Variants in ADCY2 observed in about 807,000 individuals in gnomAD.
ADCY2 encodes adenylate cyclase 2.
Under a neutral mutation model 125.2 loss-of-function variants are expected in ADCY2, and 31 were observed. The ratio of observed to expected loss-of-function variants is 0.25; its 90% CI spans 0.19 to 0.33. The LOEUF is 0.33. ADCY2 is among the 10% of genes least tolerant of loss of function. The probability of loss-of-function intolerance (pLI) is 1.00; values close to 1 mark genes in which losing one functional copy is unlikely to be tolerated. For synonymous variants in ADCY2, 512 were observed against 548.4 expected (o/e 0.93, Z 0.93); for missense variants, 904 against 1,418.2 (o/e 0.64, Z 5.82).
chr5:7,442,366 G>A (rs2126401584), intron 2 of ADCY2, among the ~76,000 whole-genome samples: 1 of 152,240 alleles, frequency 6.6e-6, no homozygotes, highest in East Asian at 1.9e-4. Context: ...CTTTTAGCTT[G>A]TGTCTGGGTC....
At chr5:7,635,979 C>T (rs1738487868) in intron 4 of ADCY2, among the ~76,000 whole-genome samples, 1 of 152,158 alleles carries the variant, frequency 6.6e-6, no homozygotes, top group Non-Finnish European at 1.5e-5. Flanking sequence ...CAGCCTGATA[C>T]CTAAGTGTTT....
chr5:7,810,998 C>T (rs992689511), intron 22 of ADCY2, among the ~76,000 whole-genome samples: 1 of 152,214 alleles, frequency 6.6e-6, no homozygotes, highest in African/African-American at 2.4e-5. Flanking sequence ...AACTTTCATT[C>T]AGACCCATGC....
chr5:7,611,763 A>G (rs1387317851), intron 3 of ADCY2, among the ~76,000 whole-genome samples: 2 of 152,160 alleles, frequency 1.3e-5, no homozygotes, highest in Non-Finnish European at 2.9e-5. Context: ...GAAGCCCACC[A>G]TATGGAAAAC....
intron 14 of ADCY2, among the ~76,000 whole-genome samples, chr5:7,727,885 T>C (rs1741978674): frequency 2.0e-5 from 3 of 152,176 alleles, no homozygotes; most frequent in South Asian, 4.1e-4. Flanking sequence ...CGAATCGCTT[T>C]ATGATCCCTA....
At chr5:7,546,194 CAG>C (rs764728149) in intron 3 of ADCY2, among the ~76,000 whole-genome samples, 5 of 152,190 alleles carry the variant, frequency 3.3e-5, no homozygotes, top group East Asian at 1.9e-4. Context: ...CTTTACAAGA[CAG>C]AACAGAAATC....
At chr5:7,561,643 A>G (rs1351356354) in intron 3 of ADCY2, among the ~76,000 whole-genome samples, 1 of 151,754 alleles carries the variant, frequency 6.6e-6, no homozygotes. Context: ...CCGAATGCAC[A>G]TATTTGCAAG....
intron 2 of ADCY2, among the ~76,000 whole-genome samples, chr5:7,439,074 A>G (rs1740911784): frequency 6.6e-6 from 1 of 152,244 alleles, no homozygotes; most frequent in African/African-American, 2.4e-5. Flanking sequence ...GTGACCACAG[A>G]GGGAAAGCAG....
At chr5:7,702,037 C>G (rs891664521) in intron 7 of ADCY2, among the ~76,000 whole-genome samples, 1 of 152,076 alleles carries the variant, frequency 6.6e-6, no homozygotes, top group Non-Finnish European at 1.5e-5. Flanking sequence ...ACTTGCGGAA[C>G]AAGGGATTCC....
intron 1 of ADCY2, among the ~76,000 whole-genome samples, chr5:7,411,500 G>A (rs866253941): frequency 9.8e-5 from 15 of 152,310 alleles, no homozygotes; most frequent in Middle Eastern, 3.4e-3. Context: ...TTGACCCTAA[G>A]AGTTTGTGCT....
In ADCY2 at chr5:7,695,868, G is replaced by A. The variant is rs184161358; in HGVS notation, c.981+5G>A. 2.9e-3 allele frequency: 4,595 copies of A among 1,585,726 alleles called. 28 individuals carry two copies. Among genetic ancestry groups the A allele is most frequent in the Non-Finnish European group, 2.0e-3 (2,269 of 1,158,426 alleles). ...AAGTTTGATCAAATTGCAAAGGTGA[G>A]TATTATGGATTCTTTTCTTCTCTGA... On this transcript the variant is annotated splice_donor_5th_base_variant and intron_variant, in intron 6 of 24. Coordinates refer to ENST00000338316, the MANE Select transcript of ADCY2 (RefSeq NM_020546.3).
chr5:7,564,699 C>T (rs144721026), intron 3 of ADCY2, among the ~76,000 whole-genome samples: 3 of 152,150 alleles, frequency 2.0e-5, no homozygotes, highest in Non-Finnish European at 4.4e-5. Flanking sequence ...ATCCTGCCAC[C>T]CTGCCTGCTA....
At chr5:7,553,907 A>G (rs1045235180) in intron 3 of ADCY2, among the ~76,000 whole-genome samples, 10 of 152,180 alleles carry the variant, frequency 6.6e-5, no homozygotes. Context: ...TCAATATGGA[A>G]AGGAAAATGT....
At chr5:7,555,475 T>G (rs1561091414) in intron 3 of ADCY2, among the ~76,000 whole-genome samples, 9 of 152,212 alleles carry the variant, frequency 5.9e-5, no homozygotes, top group Admixed American at 5.2e-4. Flanking sequence ...ATGGTATAAT[T>G]TCCGTTGCTT....
At chr5:7,507,442 A>G (rs1039821603) in intron 2 of ADCY2, among the ~76,000 whole-genome samples, 15 of 92,426 alleles carry the variant, frequency 1.6e-4, no homozygotes, top group Non-Finnish European at 2.4e-4. Context: ...CTCCGTCTCA[A>G]AAAAAAAAAA....
chr5:7,592,982 G>A (rs1278188469), intron 3 of ADCY2, among the ~76,000 whole-genome samples: 3 of 152,178 alleles, frequency 2.0e-5, no homozygotes, highest in African/African-American at 7.2e-5. Context: ...AGAATGCATA[G>A]CTTGAGGTTT....
intron 5 of ADCY2, among the ~76,000 whole-genome samples, chr5:7,693,230 T>C (rs1258222174): frequency 1.3e-5 from 2 of 152,034 alleles, no homozygotes; most frequent in Admixed American, 6.6e-5. Context: ...GTTCCAAGGA[T>C]ATAGTTCTAA....
chr5:7,749,002 G>A (rs1379112119), intron 15 of ADCY2, among the ~76,000 whole-genome samples: 1 of 152,180 alleles, frequency 6.6e-6, no homozygotes, highest in Non-Finnish European at 1.5e-5. Flanking sequence ...GTGCCAGGCT[G>A]TGTGTGGGGT....
chr5:7,535,741 C>A (rs910754130), intron 3 of ADCY2, among the ~76,000 whole-genome samples: 2 of 152,078 alleles, frequency 1.3e-5, no homozygotes, highest in African/African-American at 4.8e-5. Context: ...AATAAGAAAT[C>A]GGATATGCAA....
At chr5:7,811,135 G>T (rs375418286) in intron 22 of ADCY2, among the ~76,000 whole-genome samples, 167 of 152,270 alleles carry the variant, frequency 1.1e-3, no homozygotes, top group African/African-American at 3.9e-3. Context: ...AGACAGGGAG[G>T]GGAGGGCAGG....
Sources: gnomAD v4.1 joint callset for allele counts (sites outside exome capture counted in the v4.1 genomes callset) on GRCh38, gnomAD v4.1.1 for gene constraint, MANE v1.5 for transcripts, NCBI Gene and HGNC (gene_info 2026-07-23, HGNC 2026-07-21) for gene names.